GATA4: variants seen among roughly 807,000 people sequenced by gnomAD.
GATA4 encodes GATA binding protein 4, also known as transcription factor GATA-4.
A neutral mutation model predicts 37.9 loss-of-function variants in GATA4; 7 were observed. The observed-to-expected ratio is 0.18, with a 90% CI of 0.11 to 0.35. The LOEUF is 0.35. Among genes scored for constraint, GATA4 ranks in the 10% least tolerant of loss-of-function variants. The pLI, the probability that GATA4 is intolerant of heterozygous loss-of-function variation, is 1.00. For synonymous variants in GATA4, 372 were observed against 292.6 expected (o/e 1.27, Z -2.77); for missense variants, 647 against 653.0 (o/e 0.99, Z 0.10).
chr8:11,758,435 T>C lies in GATA4; in HGVS notation c.1292T>C (p.Leu431Pro). The C allele has an allele frequency of 1.2e-6, 2 of 1,614,242 alleles. No homozygotes were observed. Among genetic ancestry groups the C allele is most frequent in the Non-Finnish European group, 1.7e-6 (2 of 1,180,028 alleles). Residue 431 changes from leucine to proline, a missense_variant, in exon 7 of 7, where the codon CTG becomes CCG. By Grantham distance (98) the Leu-to-Pro change is moderately conservative. Around this residue, in one of 5 missense-constraint regions of GATA4, gnomAD observed 184 missense variants for 157.1 expected, o/e 1.17. Coordinates refer to ENST00000532059, the MANE Select transcript of GATA4 (RefSeq NM_001308093.3). ...TCCAAGCAGGACTCTTGGAACAGCC[T>C]GGTCTTGGCCGACAGTCACGGGGAC... ...TSSKQDSWNS[L>P]VLADSHGDII...
At chr8:11,680,681 C>G (rs1798936644) in intron 1 of GATA4, 2 of 985,210 alleles carry the variant, frequency 2.0e-6, no homozygotes, top group Non-Finnish European at 2.4e-6. Flanking sequence ...GTCAGAGACC[C>G]CCCCCTTGGG....
intron 2 of GATA4, among the ~76,000 whole-genome samples, chr8:11,728,463 G>A (rs1197097545): frequency 6.6e-6 from 1 of 152,140 alleles, no homozygotes; most frequent in East Asian, 1.9e-4. Flanking sequence ...TGAACTTCTG[G>A]GCTCAAGCAC....
upstream of GATA4, among the ~76,000 whole-genome samples, chr8:11,703,652 A>T (rs1799764628): frequency 6.6e-6 from 1 of 152,224 alleles, no homozygotes; most frequent in African/African-American, 2.4e-5. Flanking sequence ...TTGGGAAGGC[A>T]AAAGGGAGGC....
At chr8:11,698,485 C>T (rs1799572300) in intron 1 of GATA4, among the ~76,000 whole-genome samples, 1 of 152,124 alleles carries the variant, frequency 6.6e-6, no homozygotes, top group African/African-American at 2.4e-5. Flanking sequence ...TTTCTCTCTG[C>T]CCTGGTCTCT....
Position 11,708,718 on chromosome 8 carries a change from G to A in GATA4, c.406G>A (p.Gly136Ser), listed in dbSNP as rs1161266023. ...AREAAAYSSGGGAAGAGLAGR... is the reference protein window; with the variant it reads ...AREAAAYSSGSGAAGAGLAGR... ...GGAAGCTGCGGCCTACAGCAGTGGCGGCGGAGCGGCGGGTGCGGGCCTGGC... is the reference window on the plus strand; with the variant it reads ...GGAAGCTGCGGCCTACAGCAGTGGCAGCGGAGCGGCGGGTGCGGGCCTGGC... The change falls in exon 2 of 7, where the codon GGC becomes AGC. Residue 136 changes from glycine (G) to serine (S), a missense_variant. Physicochemically the swap from Gly to Ser is moderately conservative, Grantham distance 56. This residue lies in a region of GATA4 where 379 missense variants were observed against 334.5 expected (regional missense o/e 1.13). Transcript: ENST00000532059. This position sits in a 1 kb window ranked among gnomAD's most constrained non-coding sequence, Gnocchi z 6.7. The A allele has an allele frequency of 2.4e-6, 3 of 1,268,048 alleles. No homozygotes were observed. Among genetic ancestry groups the A allele is most frequent in the Non-Finnish European group, 3.0e-6 (3 of 1,013,724 alleles). The allele number at this position is 1,268,048 out of a possible 1,614,324, so 78.5% of individuals were successfully genotyped here.
intron 1 of GATA4, chr8:11,697,916 C>G: frequency 2.0e-6 from 2 of 985,496 alleles, no homozygotes; most frequent in Non-Finnish European, 2.4e-6. Context: ...GGGGACCCAC[C>G]AGTCCCCTGA....
chr8:11,685,911 TC>T (rs1375109125), intron 1 of GATA4, among the ~76,000 whole-genome samples: 4 of 152,098 alleles, frequency 2.6e-5, no homozygotes, highest in Admixed American at 2.6e-4. Flanking sequence ...GGGAGGAAAG[TC>T]AGAGCTTTGT....
chr8:11,687,500 G>A (rs1225080763), intron 1 of GATA4, among the ~76,000 whole-genome samples: 1 of 152,162 alleles, frequency 6.6e-6, no homozygotes, highest in Non-Finnish European at 1.5e-5. Context: ...TGAGTTGGGG[G>A]CAATGAATAA....
chr8:11,681,542 T>A (rs1798974987), intron 1 of GATA4: 1 of 786,386 alleles, frequency 1.3e-6, no homozygotes, highest in Non-Finnish European at 1.5e-6. Flanking sequence ...CGGCTGCTGT[T>A]GTTTCTTTAG....
chr8:11,706,190 G>C (rs1375042764), intron 1 of GATA4, among the ~76,000 whole-genome samples: 6 of 152,128 alleles, frequency 3.9e-5, no homozygotes, highest in African/African-American at 7.2e-5. Flanking sequence ...AAGCTTTTAG[G>C]AGTTACCATG....
At chr8:11,713,274 A>T (rs1800281191) in intron 2 of GATA4, among the ~76,000 whole-genome samples, 1 of 152,234 alleles carries the variant, frequency 6.6e-6, no homozygotes, top group Non-Finnish European at 1.5e-5. Flanking sequence ...CGACCCTAAG[A>T]CAAATGTTAA....
At chr8:11,684,789 A>G (rs1227418686) in intron 1 of GATA4, among the ~76,000 whole-genome samples, 1 of 152,152 alleles carries the variant, frequency 6.6e-6, no homozygotes, top group African/African-American at 2.4e-5. Flanking sequence ...TTCTTAACCT[A>G]TTACTTCAAA....
Position 11,708,943 on chromosome 8 carries a change from G to C in GATA4, c.616+15G>C, listed in dbSNP as rs767068839. 3.9e-6 allele frequency: 6 copies of C among 1,520,444 alleles called. No individual in the cohort carries two copies. In the African/African-American group the frequency reaches 8.4e-5, roughly 21 times the overall value. 94.2% of individuals were successfully genotyped at this position (1,520,444 alleles called of 1,614,324 possible). ...CCCCAATCTCGGTGAGTAGGAGCGC[G>C]AGGGCTGGGGCGCGTGAGGGCCGGG... On this transcript the variant is annotated intron_variant, in intron 2 of 6. Transcript: ENST00000532059. This position sits in a 1 kb window ranked among gnomAD's most constrained non-coding sequence, Gnocchi z 6.7.
intron 2 of GATA4, among the ~76,000 whole-genome samples, chr8:11,746,552 G>A (rs891069432): frequency 3.9e-5 from 6 of 152,234 alleles, no homozygotes; most frequent in Non-Finnish European, 8.8e-5. Context: ...AAACGACGAC[G>A]TTGCCCGCGC....
Position 11,749,037 on chromosome 8 carries a change from C to G in GATA4, c.738C>G (p.His246Gln). ...HYLCNACGLYHKMNGINRPLI... is the reference protein window; with the variant it reads ...HYLCNACGLYQKMNGINRPLI... ...TGTGCAACGCCTGCGGCCTCTACCA[C>G]AAGATGAACGGCATCAACCGGCCGC... Residue 246 changes from histidine (H) to glutamine (Q), a missense_variant, in exon 3 of 7, where the codon CAC becomes CAG. Physicochemically the swap from His to Gln is conservative, Grantham distance 24. Around this residue, in one of 5 missense-constraint regions of GATA4, gnomAD observed 56 missense variants for 64.5 expected, o/e 0.87. Coordinates refer to ENST00000532059, the MANE Select transcript of GATA4 (RefSeq NM_001308093.3). This position sits in a 1 kb window ranked among gnomAD's most constrained non-coding sequence, Gnocchi z 4.6. 1.9e-6 allele frequency: 3 copies of G among 1,614,218 alleles called. No homozygotes were observed. Among genetic ancestry groups the G allele is most frequent in the Non-Finnish European group, 2.5e-6 (3 of 1,180,044 alleles).
intron 1 of GATA4, chr8:11,693,106 T>C: frequency 1.0e-6 from 1 of 973,114 alleles, no homozygotes; most frequent in Non-Finnish European, 1.2e-6. Context: ...ATTCCACTTC[T>C]TAATCCCAGT....
Position 11,713,786 on chromosome 8 carries a change from T to A in GATA4, c.616+4858T>A, listed in dbSNP as rs147032849. 4.6e-5 allele frequency among the ~76,000 whole-genome samples: 7 copies of A among 152,372 alleles called. No homozygotes were observed. The East Asian group carries it at 1.2e-3, about 25-fold the overall frequency. ...ATGGCTTGTCTTCATCATAAACTCCTGGGCGCTGGAAGCACTTGTGGTGGA... is the reference window on the plus strand; with the variant it reads ...ATGGCTTGTCTTCATCATAAACTCCAGGGCGCTGGAAGCACTTGTGGTGGA... On this transcript the variant is annotated intron_variant, in intron 2 of 6. Coordinates refer to ENST00000532059, the MANE Select transcript of GATA4 (RefSeq NM_001308093.3).
At chr8:11,737,659 G>T (rs1430933279) in intron 2 of GATA4, among the ~76,000 whole-genome samples, 6 of 152,194 alleles carry the variant, frequency 3.9e-5, no homozygotes, top group Non-Finnish European at 8.8e-5. Flanking sequence ...GATGACAGCG[G>T]GTCAACAGCT....
Position 11,758,632 on chromosome 8 carries a change from G to T in GATA4, c.*157G>T, listed in dbSNP as rs1051624585. On this transcript the variant is annotated 3_prime_UTR_variant, in exon 7 of 7. Coordinates refer to ENST00000532059, the MANE Select transcript of GATA4 (RefSeq NM_001308093.3). ...CTTGAAGTCGACAATCTGGTTAGGG[G>T]AAGCGGGTGTTGGATTTTCTCAGAT... is the stretch of plus-strand genomic sequence containing the variant. The T allele has an allele frequency of 1.3e-6, 1 of 748,680 alleles. No individual in the cohort carries two copies. The highest frequency in any genetic ancestry group is 2.1e-5 in the Admixed American group (1 of 47,856). 46.4% of individuals were successfully genotyped at this position (748,680 alleles called of 1,614,324 possible).
Sources: allele counts gnomAD v4.1 joint callset (sites outside exome capture counted in the v4.1 genomes callset), GRCh38; gene constraint gnomAD v4.1.1; regional missense constraint gnomAD v4.1.1; non-coding constraint Gnocchi (gnomAD v3.1); transcripts MANE v1.5; gene names NCBI Gene and HGNC (gene_info 2026-07-23, HGNC 2026-07-21).